Variants in TP73 observed in about 807,000 individuals in gnomAD.
TP73 encodes p53-like transcription factor.
A neutral mutation model predicts 62.5 loss-of-function variants in TP73; 25 were observed. The ratio of observed to expected loss-of-function variants is 0.40; its 90% CI spans 0.29 to 0.56. The LOEUF is 0.56. Ranked by LOEUF, TP73 falls within the 20% of genes least tolerant of loss-of-function variation. The pLI is 0.46. For synonymous variants in TP73, 423 were observed against 377.5 expected, an observed-to-expected ratio of 1.12 and a Z score of -1.40; for missense variants, 754 against 913.3, an observed-to-expected ratio of 0.83 and a Z score of 2.25.
chr1:3,722,387 G>A (rs1641142100), intron 5 of TP73, among the ~76,000 whole-genome samples, 180 bp downstream of exon 5: 1 of 152,234 alleles, frequency 6.6e-6, no homozygotes. Context: ...TGGGACCTGG[G>A]GGGGCCCATG....
intron 3 of TP73, among the ~76,000 whole-genome samples, chr1:3,700,947 G>T (rs1259041761): frequency 6.6e-6 from 1 of 152,232 alleles, no homozygotes; most frequent in African/African-American, 2.4e-5. Flanking sequence ...CTCCTGGCCG[G>T]TGAGGACAAA....
chr1:3,708,882 C>T (rs781303687), intron 4 of TP73, among the ~76,000 whole-genome samples: 5 of 152,222 alleles, frequency 3.3e-5, no homozygotes, highest in South Asian at 2.1e-4. Flanking sequence ...CACGAGGCCC[C>T]GCCTCCCCGG....
In TP73 at chr1:3,732,885, G is replaced by A. The variant is rs147589532; in HGVS notation, c.1717G>A (p.Gly573Ser). Residue 573 changes from glycine to serine, a missense_variant, in exon 14 of 14, where the codon GGC (glycine) becomes AGC (serine). Around this residue, in one of 3 missense-constraint regions of TP73, gnomAD observed 458 missense variants for 528.7 expected, o/e 0.87. Coordinates refer to ENST00000378295, the MANE Select transcript of TP73 (RefSeq NM_005427.4). Reference protein sequence around the residue: ...SSNAATISIGGSGELQRQRVM... With the variant: ...SSNAATISIGSSGELQRQRVM... Reference sequence around the variant, plus strand: ...CAACGCGGCCACCATCTCCATCGGCGGCTCAGGGGAACTGCAGCGCCAGCG... The same window carrying A: ...CAACGCGGCCACCATCTCCATCGGCAGCTCAGGGGAACTGCAGCGCCAGCG... 38 of 1,611,586 alleles carry A rather than the reference G, an allele frequency of 2.4e-5. No individual in the cohort carries two copies. The highest frequency in any genetic ancestry group is 2.8e-5 in the Non-Finnish European group (33 of 1,179,654).
At chr1:3,703,568 T>C (rs1639388972) in intron 3 of TP73, among the ~76,000 whole-genome samples, 1 of 152,248 alleles carries the variant, frequency 6.6e-6, no homozygotes, top group Non-Finnish European at 1.5e-5. Flanking sequence ...TATCAGCTCT[T>C]CTCCTCTTGC....
At chr1:3,671,843 G>A (rs959836773) in intron 1 of TP73, among the ~76,000 whole-genome samples, 5 of 152,208 alleles carry the variant, frequency 3.3e-5, no homozygotes, top group Non-Finnish European at 7.3e-5. Context: ...AGGAGTGAGG[G>A]GTGGGTGGAC....
At chr1:3,704,675 GGC>G (rs1639480221) in intron 3 of TP73, among the ~76,000 whole-genome samples, 1 of 152,204 alleles carries the variant, frequency 6.6e-6, no homozygotes, top group South Asian at 2.1e-4. Flanking sequence ...GAAGGGCCTG[GGC>G]CCGTGGTCGT....
intron 1 of TP73, among the ~76,000 whole-genome samples, chr1:3,655,230 T>C (rs1345298914): frequency 6.6e-6 from 1 of 152,032 alleles, no homozygotes; most frequent in Admixed American, 6.6e-5. Flanking sequence ...CCACCAAAAA[T>C]ACAAAAATTA....
rs1275012082 is a variant in TP73, at chr1:3,729,330, C to T, written c.1078C>T (p.Arg360Ter). 5 of 1,613,012 alleles carry T rather than the reference C, an allele frequency of 3.1e-6. No individual in the cohort carries two copies. The highest frequency in any genetic ancestry group is 3.4e-6 in the Non-Finnish European group (4 of 1,179,960). Residue 360 changes from arginine to a stop codon, truncating the protein, a stop_gained, in exon 10 of 14, where the codon CGA becomes TGA. Coordinates refer to ENST00000378295, the MANE Select transcript of TP73 (RefSeq NM_005427.4). LOFTEE classifies it high-confidence loss of function. ...GDEDTYYLQV[R>*]GRENFEILMK... ...AGATCTGCTCCTCTGTGCTCAGGTG[C>T]GAGGCCGGGAGAACTTTGAGATCCT...
At chr1:3,692,056 A>T (rs1645851847) in intron 3 of TP73, among the ~76,000 whole-genome samples, 1 of 151,956 alleles carries the variant, frequency 6.6e-6, no homozygotes, top group African/African-American at 2.4e-5. Flanking sequence ...GTGTGTGTGT[A>T]TGTTATGGGT....
intron 1 of TP73, among the ~76,000 whole-genome samples, chr1:3,664,732 G>T (rs536514604): frequency 7.2e-5 from 11 of 152,284 alleles, no homozygotes; most frequent in East Asian, 3.9e-4. Flanking sequence ...GGGGGGCAGG[G>T]GTTGTAGAGT....
intron 6 of TP73, 40 bp downstream of exon 6, chr1:3,723,509 A>T: frequency 1.1e-5 from 11 of 1,032,136 alleles, no homozygotes; most frequent in Non-Finnish European, 1.5e-5. Flanking sequence ...CCCTGCAGTC[A>T]GCTGTACGGG....
chr1:3,733,250 C>A lies in TP73; in HGVS notation c.*171C>A. 2 of 785,470 alleles carry A rather than the reference C, an allele frequency of 2.5e-6. No individual in the cohort carries two copies. The highest frequency in any genetic ancestry group is 1.9e-5 in the South Asian group (1 of 53,812). 48.7% of individuals were successfully genotyped at this position (785,470 alleles called of 1,614,324 possible). On this transcript the variant is annotated 3_prime_UTR_variant, in exon 14 of 14. Coordinates refer to ENST00000378295, the MANE Select transcript of TP73 (RefSeq NM_005427.4). The stretch of plus-strand genomic sequence containing the variant: ...CTCACAGGCCCCAGGAAAGGCCCAG[C>A]CACCGAAGCCGCCTGTGGACAGCCT...
rs370345598 is a variant in TP73 at position 3,728,689 on chromosome 1, C to T, written c.1074+472C>T. Among the ~76,000 whole-genome samples, 38 of 152,362 alleles carry T rather than the reference C, an allele frequency of 2.5e-4. No individual in the cohort carries two copies. In the South Asian group the frequency reaches 7.7e-3, roughly 31 times the overall value. On this transcript the variant is annotated intron_variant, in intron 9 of 13. Transcript: ENST00000378295. ...TCTGTTTTTTGAGCTCCAGAATGAG[C>T]CCCAGTTGGGGTCAGTGGCTCATGC...
intron 11 of TP73, 112 bp from the exon 12 acceptor site, chr1:3,730,815 G>A (rs2124542330): frequency 1.2e-5 from 16 of 1,374,762 alleles, no homozygotes; most frequent in African/African-American, 1.5e-5. Context: ...GCGTCACATC[G>A]CCAGGCCTTG....
chr1:3,680,063 GTCTCTGTCTCTCTTTGTCCTTGTTTC>G (rs1645485062), intron 1 of TP73, among the ~76,000 whole-genome samples: 2 of 149,830 alleles, frequency 1.3e-5, no homozygotes, highest in African/African-American at 4.9e-5. Flanking sequence ...CTGTCTCTAT[GTCTCTGTCTCTCTTTGTCCTTGTTTC>G]TCTCTGTCTC....
chr1:3,657,265 C>T (rs369341699), intron 1 of TP73, among the ~76,000 whole-genome samples: 5 of 152,178 alleles, frequency 3.3e-5, no homozygotes, highest in African/African-American at 9.7e-5. Flanking sequence ...CCTCCTGTCT[C>T]CCTCCTAGGA....
Position 3,727,306 on chromosome 1 carries a change from C to T in TP73, c.842+82C>T, listed in dbSNP as rs930472480. 1.1e-5 allele frequency: 15 copies of T among 1,353,472 alleles called. No homozygotes were observed. The African/African-American group carries it at 2.2e-4, about 19-fold the overall frequency. 83.8% of individuals were successfully genotyped at this position (1,353,472 alleles called of 1,614,324 possible). A position where few individuals can be genotyped will look rare whatever the true frequency, so the allele number is the denominator to read the frequency against. ...GGAGAAGGGGAGCTGTCATGGAGAC[C>T]TGCAGGCCAAGGCTAGCTTGGGGAA... is the stretch of plus-strand genomic sequence containing the variant. On this transcript the variant is annotated intron_variant, in intron 7 of 13. Transcript: ENST00000378295.
rs553827140 is a variant in TP73, at chr1:3,725,215, C to T, written c.732+1746C>T. 3.3e-5 allele frequency among the ~76,000 whole-genome samples: 5 copies of T among 152,196 alleles called. No individual in the cohort carries two copies. The South Asian group carries it at 8.3e-4, about 25-fold the overall frequency. On this transcript the variant is annotated intron_variant, in intron 6 of 13. Transcript: ENST00000378295. The stretch of plus-strand genomic sequence containing the variant: ...CTCACACCCAGCATCTGGGCTTGAC[C>T]TCCAGCCTGTGTCAGGGGAGAAGGT...
intron 6 of TP73, among the ~76,000 whole-genome samples, chr1:3,725,953 AGTGGATGGATGGATGGGGTGGATGG>A (rs1452325677): frequency 2.3e-5 from 1 of 44,222 alleles, no homozygotes; most frequent in African/African-American, 9.3e-5. Flanking sequence ...TAATGGGGGG[AGTGGATGGATGGATGGGGTGGATGG>A]GTGGATGGAT....
Sources: gnomAD v4.1 joint callset for allele counts (sites outside exome capture counted in the v4.1 genomes callset) on GRCh38, gnomAD v4.1.1 for gene constraint, gnomAD v4.1.1 regional missense constraint, MANE v1.5 for transcripts, NCBI Gene and HGNC (gene_info 2026-07-23, HGNC 2026-07-21) for gene names.